CACNA1H: variants seen among roughly 807,000 people sequenced by gnomAD.
CACNA1H encodes calcium voltage-gated channel subunit alpha1 H, also known as voltage-dependent T-type calcium channel subunit alpha-1H.
Under a neutral mutation model 192.5 loss-of-function variants are expected in CACNA1H, and 149 were observed. The observed-to-expected ratio is 0.77, with a 90% confidence interval of 0.68 to 0.89. CACNA1H has a LOEUF of 0.89. CACNA1H is among the 40% of genes least tolerant of loss of function. CACNA1H has a pLI of 0.00. For synonymous variants in CACNA1H, 2,202 were observed against 1,475.2 expected, an observed-to-expected ratio of 1.49 and a Z score of -11.29; for missense variants, 4,257 against 3,423.5, an observed-to-expected ratio of 1.24 and a Z score of -6.08.
In CACNA1H at chr16:1,209,198, A is replaced by C; in HGVS notation, c.3530A>C (p.Asp1177Ala). The stretch of plus-strand genomic sequence containing the variant: ...GGCGAGGGCAAGGGCAGCACCGACG[A>C]CGAAGCTGAGGACGGCAGGGCCGCG... ...LSGEGKGSTD[D>A]EAEDGRAAPG... The change falls in exon 17 of 35, where the codon GAC becomes GCC. Residue 1177 changes from aspartate (D) to alanine (A), a missense_variant. By Grantham distance (126) the Asp-to-Ala change is moderately radical (BLOSUM62 -2). Coordinates refer to ENST00000348261, the MANE Select transcript of CACNA1H (RefSeq NM_021098.3). 1 of 1,552,174 alleles carries C rather than the reference A, an allele frequency of 6.4e-7. No individual in the cohort carries two copies. The highest frequency in any genetic ancestry group is 1.2e-5 in the South Asian group (1 of 84,140).
intron 2 of CACNA1H, among the ~76,000 whole-genome samples, chr16:1,168,332 G>A (rs537774456): frequency 5.7e-4 from 86 of 152,160 alleles, no homozygotes; most frequent in African/African-American, 1.9e-3. Context: ...AAGCAGGAAG[G>A]TCTGAAGCTG....
At chr16:1,194,191 A>T (rs1262001760) in intron 2 of CACNA1H, among the ~76,000 whole-genome samples, 3 of 151,826 alleles carry the variant, frequency 2.0e-5, no homozygotes, top group Admixed American at 6.6e-5. Context: ...GCTGCCCCTG[A>T]ATCAGCTGTG....
intron 2 of CACNA1H, among the ~76,000 whole-genome samples, 187 bp downstream of exon 2, chr16:1,154,223 T>TG (rs1249118376): frequency 2.1e-5 from 3 of 143,178 alleles, no homozygotes; most frequent in South Asian, 2.3e-4. Context: ...GTGGCGGGCT[T>TG]GGGGGGCCAC....
chr16:1,158,870 G>A (rs1023117625), intron 2 of CACNA1H, among the ~76,000 whole-genome samples: 2 of 148,498 alleles, frequency 1.3e-5, no homozygotes, highest in African/African-American at 2.6e-5. Flanking sequence ...CCGCACCCCT[G>A]GCCCCGCAGG....
chr16:1,199,964 C>T (rs866130188), intron 6 of CACNA1H, among the ~76,000 whole-genome samples: 5 of 149,534 alleles, frequency 3.3e-5, no homozygotes, highest in African/African-American at 7.3e-5. Context: ...CTGTCCATCC[C>T]TGTTCTTTGT....
chr16:1,208,885 C>T (rs1465146134), intron 16 of CACNA1H, 147 bp from the exon 17 acceptor site: 3 of 887,710 alleles, frequency 3.4e-6, no homozygotes, highest in South Asian at 2.6e-5. Flanking sequence ...CGGTGTCCCC[C>T]TAAAATCACA....
In CACNA1H at chr16:1,173,871, A is replaced by T. The variant is rs570594154; in HGVS notation, c.299+19835A>T. On this transcript the variant is annotated intron_variant, in intron 2 of 34. Transcript: ENST00000348261. ...TAACCTGTGCACACAGTGGGACCTC[A>T]CGTCACGTGGGGCTGTGGACATTTA... Among the ~76,000 whole-genome samples, 8 of 151,310 alleles carry T rather than the reference A, an allele frequency of 5.3e-5. No individual in the cohort carries two copies. The South Asian group carries it at 1.7e-3, about 31-fold the overall frequency.
rs369626032 is a variant in CACNA1H, at chr16:1,204,088, C to G, written c.2081C>G (p.Thr694Ser). 2 of 1,609,158 alleles carry G rather than the reference C, an allele frequency of 1.2e-6. No individual in the cohort carries two copies. Among genetic ancestry groups the G allele is most frequent in the East Asian group, 2.2e-5 (1 of 44,776 alleles). Residue 694 changes from threonine (T) to serine (S), a missense_variant, in exon 10 of 35, where the codon ACC (threonine) becomes AGC (serine). Thr to Ser is a moderately conservative substitution (Grantham distance 58). Transcript: ENST00000348261. ...CCCAGCCCCCCAGCGGGCACACTGA[C>G]CTGTGAGCTGAAGAGCTGCCCGTAC... ...PLPSPPAGTL[T>S]CELKSCPYCT...
At chr16:1,164,231 A>G (rs975750587) in intron 2 of CACNA1H, among the ~76,000 whole-genome samples, 4 of 152,182 alleles carry the variant, frequency 2.6e-5, no homozygotes, top group Non-Finnish European at 5.9e-5. Flanking sequence ...GTGTCCATGC[A>G]TGTTTGAGAC....
chr16:1,210,125 C>A lies in CACNA1H; in HGVS notation c.3835C>A (p.Pro1279Thr). The A allele has an allele frequency of 6.4e-7, 1 of 1,557,084 alleles. No individual in the cohort carries two copies. Among genetic ancestry groups the A allele is most frequent in the South Asian group, 1.2e-5 (1 of 84,356 alleles). ...GGCCTGGGCCCTCTACCTCTTCTCC[C>A]CACAGAACCGGTGAGGCGGCCGGGT... ...REAWALYLFS[P>T]QNRFRVSCQK... The change falls in exon 18 of 35, where the codon CCA becomes ACA. Residue 1279 changes from proline to threonine, a missense_variant. Pro to Thr is a conservative substitution (Grantham distance 38). Coordinates refer to ENST00000348261, the MANE Select transcript of CACNA1H (RefSeq NM_021098.3).
intron 6 of CACNA1H, among the ~76,000 whole-genome samples, chr16:1,199,648 AC>A (rs1414776281): frequency 1.4e-5 from 2 of 138,438 alleles, no homozygotes; most frequent in African/African-American, 5.6e-5. Context: ...CTCAGCCCTC[AC>A]CCCGGGGTCC....
chr16:1,166,714 C>G (rs755806777), intron 2 of CACNA1H, among the ~76,000 whole-genome samples: 4 of 152,172 alleles, frequency 2.6e-5, no homozygotes, highest in Non-Finnish European at 5.9e-5. Context: ...CCTGCACCGG[C>G]TTCTCTCGAG....
intron 2 of CACNA1H, among the ~76,000 whole-genome samples, chr16:1,171,165 G>A (rs1015318416): frequency 5.3e-5 from 8 of 152,106 alleles, no homozygotes; most frequent in Admixed American, 2.0e-4. Context: ...GCTCTCTGGG[G>A]AGCCCTGGAA....
At position 1,221,002 on chromosome 16, in the gene CACNA1H, C is replaced by T. The variant is rs757737090; in HGVS notation, c.*8C>T. On this transcript the variant is annotated 3_prime_UTR_variant, in exon 35 of 35. Transcript: ENST00000348261. ...GCAGATGACCCCGTGTAGCTCGGGG[C>T]TTGGTGCCGCCCACGGCTTTGGCCC... The T allele has an allele frequency of 5.8e-6, 9 of 1,555,746 alleles. No individual in the cohort carries two copies. In the East Asian group the frequency reaches 1.6e-4, roughly 28 times the overall value.
At chr16:1,195,378 G>T (rs1966869527) in intron 3 of CACNA1H, 54 bp from the exon 4 acceptor site, 2 of 1,547,798 alleles carry the variant, frequency 1.3e-6, no homozygotes, top group Non-Finnish European at 1.7e-6. Flanking sequence ...GGGGTTGGGG[G>T]TTGTGGGCTG....
At chr16:1,193,790 G>T (rs1966817221) in intron 2 of CACNA1H, among the ~76,000 whole-genome samples, 1 of 152,146 alleles carries the variant, frequency 6.6e-6, no homozygotes, top group African/African-American at 2.4e-5. Flanking sequence ...TTGGTGGGAG[G>T]GAGGGTTCCA....
At position 1,202,380 on chromosome 16, in the gene CACNA1H, G is replaced by A. The variant is rs761227158; in HGVS notation, c.1930G>A (p.Gly644Arg). 3.5e-5 allele frequency: 55 copies of A among 1,549,752 alleles called. No homozygotes were observed. The highest frequency in any genetic ancestry group is 4.4e-5 in the Non-Finnish European group (51 of 1,148,398). Residue 644 changes from glycine (G) to arginine (R), a missense_variant, in exon 9 of 35, where the codon GGG (glycine) becomes AGG (arginine). Coordinates refer to ENST00000348261, the MANE Select transcript of CACNA1H (RefSeq NM_021098.3). ...GKWAGGPPGT[G>R]GHGPLSLNSP... ...GTGGGCCGGTGGACCGCCAGGCACC[G>A]GGGGGCACGGCCCGTTGAGCTTGAA...
chr16:1,188,417 G>A (rs901082322), intron 2 of CACNA1H, among the ~76,000 whole-genome samples: 4 of 152,108 alleles, frequency 2.6e-5, no homozygotes, highest in Non-Finnish European at 4.4e-5. Context: ...ACTGTTTGGG[G>A]GTCTGGCAGC....
rs753639457 is a variant in CACNA1H, at chr16:1,205,076, G to T, written c.2452-38G>T. The stretch of plus-strand genomic sequence containing the variant: ...GTGCCGGTGAGGGGTGGGAGCCGCG[G>T]GTGCGGCCTCCTGAACTGTCCCCAC... On this transcript the variant is annotated intron_variant, in intron 10 of 34. Coordinates refer to ENST00000348261, the MANE Select transcript of CACNA1H (RefSeq NM_021098.3). 28 of 1,574,712 alleles carry T rather than the reference G, an allele frequency of 1.8e-5. No homozygotes were observed. The Middle Eastern group carries it at 5.1e-4, about 28-fold the overall frequency.
Sources: gnomAD v4.1 joint callset for allele counts (sites outside exome capture counted in the v4.1 genomes callset) on GRCh38, gnomAD v4.1.1 for gene constraint, MANE v1.5 for transcripts, NCBI Gene and HGNC (gene_info 2026-07-23, HGNC 2026-07-21) for gene names.